The following CHD1L variants were observed in gnomAD, a reference collection of about 807,000 sequenced individuals.
CHD1L encodes the protein chromodomain helicase DNA binding protein 1 like.
Under a neutral mutation model 115.9 loss-of-function variants are expected in CHD1L, and 118 were observed. The observed-to-expected ratio is 1.02, with a 90% CI of 0.88 to 1.19. The LOEUF is 1.19. Among genes scored for constraint, CHD1L ranks in the 50% most tolerant of loss-of-function variants. The probability of loss-of-function intolerance (pLI) is 0.00; values close to 1 mark genes in which losing one functional copy is unlikely to be tolerated. For synonymous variants in CHD1L, 411 were observed against 387.1 expected (o/e 1.06, Z -0.72); for missense variants, 1,179 against 1,065.3 (o/e 1.11, Z -1.49).
the CHD1L span, among the ~76,000 whole-genome samples, chr1:147,189,427 G>C: frequency 6.6e-6 from 1 of 152,076 alleles, no homozygotes; most frequent in Non-Finnish European, 1.5e-5. Flanking sequence ...AGTTGTAACG[G>C]AATTAAATAA....
At position 147,255,793 on chromosome 1, in the gene CHD1L, ACTT is replaced by A. The variant is rs1669915056; in HGVS notation, c.348-16_348-14del. The A allele has an allele frequency of 5.2e-6, 8 of 1,546,854 alleles. No individual in the cohort carries two copies. In the East Asian group the frequency reaches 1.1e-4, roughly 22 times the overall value. On this transcript the variant is annotated splice_polypyrimidine_tract_variant and intron_variant, in intron 3 of 22. Coordinates refer to ENST00000369258, the MANE Select transcript of CHD1L (RefSeq NM_004284.6). ...ATGGATCTAGTATTTATGTTTATCT[ACTT>A]CTTTTCTTGGATTCAGATTTGCTCC...
intron 14 of CHD1L, 87 bp downstream of exon 14, chr1:147,276,344 C>CACCCA: frequency 7.2e-7 from 1 of 1,398,120 alleles, no homozygotes; most frequent in Non-Finnish European, 9.8e-7. Flanking sequence ...CAGCACTCAC[C>CACCCA]CTCTCCCCAG....
intron 15 of CHD1L, among the ~76,000 whole-genome samples, chr1:147,282,689 G>A (rs1559863750): frequency 6.6e-6 from 1 of 152,122 alleles, no homozygotes; most frequent in Admixed American, 6.5e-5. Context: ...ATTATATTAA[G>A]TAGCAACACA....
chr1:147,188,014 A>C, the CHD1L span, among the ~76,000 whole-genome samples: 1 of 152,176 alleles, frequency 6.6e-6, no homozygotes, highest in Non-Finnish European at 1.5e-5. Flanking sequence ...ACAGGAAAAA[A>C]ATGATAGAAA....
At chr1:147,284,892 A>C (rs1021259205) in intron 16 of CHD1L, among the ~76,000 whole-genome samples, 3 of 152,236 alleles carry the variant, frequency 2.0e-5, no homozygotes, top group Non-Finnish European at 2.9e-5. Context: ...CGTGGTCATT[A>C]AATGCTAGCT....
chr1:147,225,278 G>A, the CHD1L span: 7 of 924,494 alleles, frequency 7.6e-6, no homozygotes, highest in African/African-American at 1.7e-5. Context: ...CTGCGGTACC[G>A]GATCTCACCG....
At chr1:147,226,170 T>C in the CHD1L span, among the ~76,000 whole-genome samples, 1 of 151,484 alleles carries the variant, frequency 6.6e-6, no homozygotes, top group East Asian at 1.9e-4. Flanking sequence ...GGCAAGGTGG[T>C]GGGAGGAGGG....
chr1:147,190,037 A>C, the CHD1L span: 1 of 572,916 alleles, frequency 1.7e-6, no homozygotes, highest in Non-Finnish European at 3.0e-6. Flanking sequence ...TTCTATTGTC[A>C]CAAATTATTT....
At chr1:147,231,280 G>A in the CHD1L span, among the ~76,000 whole-genome samples, 1 of 152,108 alleles carries the variant, frequency 6.6e-6, no homozygotes, top group Admixed American at 6.5e-5. Context: ...TAGTCACTCA[G>A]GAACAGGTTG....
chr1:147,287,641 C>G lies in CHD1L; in HGVS notation c.2228C>G (p.Ser743Cys), dbSNP rs2275249. The G allele has an allele frequency of 0.092, 148,535 of 1,612,620 alleles. 7,759 individuals carry two copies. Among genetic ancestry groups the G allele is most frequent in the East Asian group, 0.19 (8,651 of 44,852 alleles). Reference sequence around the variant, plus strand: ...TTTCTCTTTCTTCAAACAGATGACTCTGGCCACTGGGGCAGAGGTGGTTTA... The same window carrying G: ...TTTCTCTTTCTTCAAACAGATGACTGTGGCCACTGGGGCAGAGGTGGTTTA... ...DALIVHCVDDSGHWGRGGLFT... is the reference protein window; with the variant it reads ...DALIVHCVDDCGHWGRGGLFT... The change falls in exon 19 of 23, where the codon TCT becomes TGT. Residue 743 changes from serine to cysteine, a missense_variant. Ser to Cys is a moderately radical substitution (Grantham distance 112). Coordinates refer to ENST00000369258, the MANE Select transcript of CHD1L (RefSeq NM_004284.6).
At chr1:147,287,817 C>T (rs115828754) in intron 19 of CHD1L, 84 bp downstream of exon 19, 3 of 1,092,104 alleles carry the variant, frequency 2.7e-6, no homozygotes, top group African/African-American at 3.1e-5. Context: ...GGTTACACAG[C>T]ACTAGATAAG....
the CHD1L span, chr1:147,186,333 C>T: frequency 3.1e-6 from 3 of 979,488 alleles, no homozygotes; most frequent in East Asian, 1.1e-4. Flanking sequence ...GACCATGTTT[C>T]AAGTACACTA....
the CHD1L span, among the ~76,000 whole-genome samples, chr1:147,183,636 A>G: frequency 2.6e-5 from 4 of 152,232 alleles, no homozygotes; most frequent in Non-Finnish European, 5.9e-5. Context: ...ACTGAGGGTC[A>G]GGAAGATATT....
chr1:147,193,265 C>T, the CHD1L span, among the ~76,000 whole-genome samples: 3 of 152,074 alleles, frequency 2.0e-5, no homozygotes, highest in African/African-American at 4.8e-5. Flanking sequence ...GGAATTTATC[C>T]GTTTCTTCTA....
At chr1:147,224,869 A>G in the CHD1L span, 9 of 1,610,124 alleles carry the variant, frequency 5.6e-6, no homozygotes, top group Admixed American at 6.7e-5. Flanking sequence ...GGTTTCAAGT[A>G]TTAAGGGACT....
At chr1:147,290,902 C>A (rs6657932) in intron 19 of CHD1L, among the ~76,000 whole-genome samples, 2 of 152,176 alleles carry the variant, frequency 1.3e-5, no homozygotes, top group Non-Finnish European at 2.9e-5. Context: ...ATCCTCCCAC[C>A]TCAGCCTCCC....
chr1:147,189,984 C>T, the CHD1L span, among the ~76,000 whole-genome samples: 1 of 152,144 alleles, frequency 6.6e-6, no homozygotes, highest in Non-Finnish European at 1.5e-5. Context: ...AAACTTTTCT[C>T]TCTTTTCTTA....
intron 19 of CHD1L, among the ~76,000 whole-genome samples, chr1:147,289,376 A>G (rs1684617365): frequency 6.6e-6 from 1 of 152,222 alleles, no homozygotes; most frequent in African/African-American, 2.4e-5. Context: ...ATTTTGAGGT[A>G]CAAGGGAGGA....
the CHD1L span, among the ~76,000 whole-genome samples, chr1:147,199,517 A>C: frequency 6.6e-6 from 1 of 152,186 alleles, no homozygotes; most frequent in South Asian, 2.1e-4. Context: ...TCATAACCAT[A>C]ATGCAGACTC....
Sources: gnomAD v4.1 joint callset for allele counts (sites outside exome capture counted in the v4.1 genomes callset) on GRCh38, gnomAD v4.1.1 for gene constraint, MANE v1.5 for transcripts, NCBI Gene and HGNC (gene_info 2026-07-23, HGNC 2026-07-21) for gene names.